Variants in SCRG1 observed in about 807,000 individuals in gnomAD.
The protein encoded by SCRG1 is stimulator of chondrogenesis 1.
Under a neutral mutation model 7.7 loss-of-function variants are expected in SCRG1, and 3 were observed. That is an observed-to-expected ratio of 0.39 (90% CI 0.18 to 1.01). The LOEUF is 1.01. Ranked by LOEUF, SCRG1 falls within the 50% of genes least tolerant of loss-of-function variation. SCRG1 has a pLI of 0.36. For missense variants in SCRG1, 110 were observed against 117.2 expected (o/e 0.94, Z 0.28); for synonymous variants, 46 against 41.2 (o/e 1.12, Z -0.44).
the SCRG1 span, among the ~76,000 whole-genome samples, chr4:173,513,768 G>A: frequency 4.6e-5 from 7 of 152,148 alleles, no homozygotes; most frequent in East Asian, 1.3e-3. Flanking sequence ...GGAGCAACCT[G>A]CATTATTCTA....
the SCRG1 span, among the ~76,000 whole-genome samples, chr4:173,417,775 A>G: frequency 6.6e-6 from 1 of 152,148 alleles, no homozygotes. Context: ...CTGGCACTAC[A>G]GGTGTGAGCC....
the SCRG1 span, among the ~76,000 whole-genome samples, chr4:173,506,985 C>T: frequency 6.6e-6 from 1 of 152,182 alleles, no homozygotes; most frequent in Non-Finnish European, 1.5e-5. The surrounding 1 kb of genome is among the most constrained non-coding windows in gnomAD (Gnocchi z 5.3). Context: ...TCCTCCCTCC[C>T]TCACCCGCAG....
chr4:173,517,817 G>T, the SCRG1 span, among the ~76,000 whole-genome samples: 5 of 152,254 alleles, frequency 3.3e-5, no homozygotes, highest in Non-Finnish European at 7.3e-5. Context: ...GCAAAGTAAA[G>T]GCAAAACTAG....
chr4:173,420,841 A>G, the SCRG1 span, among the ~76,000 whole-genome samples: 1 of 152,236 alleles, frequency 6.6e-6, no homozygotes, highest in East Asian at 1.9e-4. Flanking sequence ...AGATAGTAGA[A>G]TGCTTATTGT....
upstream of SCRG1, among the ~76,000 whole-genome samples, chr4:173,409,086 C>T (rs2126926865): frequency 6.6e-6 from 1 of 151,904 alleles, no homozygotes; most frequent in East Asian, 1.9e-4. Flanking sequence ...CTTTCCTGAC[C>T]TAAAAGGTTC....
At chr4:173,388,549 C>T (rs1389120039) in intron 2 of SCRG1, among the ~76,000 whole-genome samples, 154 bp from the exon 3 acceptor site, 1 of 152,178 alleles carries the variant, frequency 6.6e-6, no homozygotes, top group East Asian at 1.9e-4. Flanking sequence ...GGAGGACTTG[C>T]CACAGAAGCA....
intron 1 of SCRG1, among the ~76,000 whole-genome samples, chr4:173,404,934 G>A (rs1739863186): frequency 6.6e-6 from 1 of 152,058 alleles, no homozygotes; most frequent in Non-Finnish European, 1.5e-5. Flanking sequence ...GCTTAGTACA[G>A]AGACTTCCTA....
At chr4:173,394,604 C>T (rs1680407433) in intron 1 of SCRG1, among the ~76,000 whole-genome samples, 2 of 152,158 alleles carry the variant, frequency 1.3e-5, no homozygotes, top group East Asian at 1.9e-4. Flanking sequence ...AGATCTGTGC[C>T]ACTGCACCTG....
At chr4:173,481,977 C>G in the SCRG1 span, among the ~76,000 whole-genome samples, 14 of 151,770 alleles carry the variant, frequency 9.2e-5, no homozygotes, top group Non-Finnish European at 1.6e-4. Flanking sequence ...TTTTTTTAAT[C>G]AGCCTACTTT....
the SCRG1 span, among the ~76,000 whole-genome samples, chr4:173,459,319 A>T: frequency 1.3e-5 from 2 of 152,260 alleles, no homozygotes; most frequent in Non-Finnish European, 2.9e-5. Flanking sequence ...CATTCTTTTC[A>T]TCAGCACATG....
the SCRG1 span, among the ~76,000 whole-genome samples, chr4:173,493,487 G>A: frequency 2.8e-4 from 42 of 152,036 alleles, no homozygotes; most frequent in South Asian, 6.7e-3. Flanking sequence ...GTGTGGTGGC[G>A]CGTGCTTGTA....
chr4:173,505,789 C>G, the SCRG1 span, among the ~76,000 whole-genome samples: 1 of 152,200 alleles, frequency 6.6e-6, no homozygotes, highest in South Asian at 2.1e-4. This position sits in a 1 kb window ranked among gnomAD's most constrained non-coding sequence, Gnocchi z 4.4. Context: ...GGTGGAAGCA[C>G]AAATAATGAT....
intron 1 of SCRG1, among the ~76,000 whole-genome samples, chr4:173,396,406 C>T (rs1185185198): frequency 6.6e-6 from 1 of 152,024 alleles, no homozygotes; most frequent in Non-Finnish European, 1.5e-5. Flanking sequence ...GGGCTGAGGC[C>T]CAGGGCAATT....
intron 1 of SCRG1, among the ~76,000 whole-genome samples, chr4:173,397,217 G>T (rs1739632401): frequency 6.6e-6 from 1 of 152,086 alleles, no homozygotes; most frequent in African/African-American, 2.4e-5. Flanking sequence ...ATTGGTTGTT[G>T]TTTCATTAAA....
At chr4:173,462,608 C>A in the SCRG1 span, among the ~76,000 whole-genome samples, 5,190 of 152,210 alleles carry the variant, frequency 0.034, 333 homozygotes, top group African/African-American at 0.12. Flanking sequence ...CATAAATAAT[C>A]ACCTGAAGGT....
At chr4:173,507,012 C>T in the SCRG1 span, among the ~76,000 whole-genome samples, 3 of 152,196 alleles carry the variant, frequency 2.0e-5, no homozygotes, top group African/African-American at 7.2e-5. This position sits in a 1 kb window ranked among gnomAD's most constrained non-coding sequence, Gnocchi z 4.4. Context: ...CGAGCAGCCC[C>T]GGAGCTCTCA....
chr4:173,419,551 C>T, the SCRG1 span: 1 of 730,824 alleles, frequency 1.4e-6, no homozygotes, highest in African/African-American at 1.7e-5. Context: ...TGATGTGCTT[C>T]CGGTGTACTT....
chr4:173,439,148 A>G, the SCRG1 span, among the ~76,000 whole-genome samples: 9 of 152,212 alleles, frequency 5.9e-5, no homozygotes, highest in African/African-American at 1.9e-4. Flanking sequence ...CAGAGTCACA[A>G]GATGGAAGGA....
the SCRG1 span, among the ~76,000 whole-genome samples, chr4:173,429,626 G>C: frequency 6.6e-6 from 1 of 152,182 alleles, no homozygotes; most frequent in African/African-American, 2.4e-5. Flanking sequence ...TTCGTGAGGG[G>C]TGAGCAGAAG....
Sources: allele counts gnomAD v4.1 joint callset (sites outside exome capture counted in the v4.1 genomes callset), GRCh38; gene constraint gnomAD v4.1.1; non-coding constraint Gnocchi (gnomAD v3.1); transcripts MANE v1.5; gene names NCBI Gene and HGNC (gene_info 2026-07-23, HGNC 2026-07-21).